IPO5: variants seen among roughly 807,000 people sequenced by gnomAD.
IPO5 encodes the protein importin 5, also known as importin-5.
Under a neutral mutation model 143.3 loss-of-function variants are expected in IPO5, and 18 were observed. The observed-to-expected ratio is 0.13, with a 90% CI of 0.09 to 0.19. IPO5 has a LOEUF of 0.19. IPO5 is among the 10% of genes least tolerant of loss of function. The pLI is 1.00. For missense variants in IPO5, 1,013 were observed against 1,336.9 expected, an observed-to-expected ratio of 0.76 and a Z score of 3.78; for synonymous variants, 477 against 465.7, an observed-to-expected ratio of 1.02 and a Z score of -0.31.
At chr13:97,980,228 TAG>T (rs913117707) in intron 4 of IPO5, among the ~76,000 whole-genome samples, 2 of 152,192 alleles carry the variant, frequency 1.3e-5, no homozygotes, top group Admixed American at 1.3e-4. Context: ...GTGTGGAACT[TAG>T]ACTGTTTAAC....
chr13:97,972,244 G>A (rs1343637780), intron 3 of IPO5, among the ~76,000 whole-genome samples: 1 of 152,118 alleles, frequency 6.6e-6, no homozygotes, highest in African/African-American at 2.4e-5. Context: ...AAACCAGAAA[G>A]GGCAGACAAA....
intron 25 of IPO5, among the ~76,000 whole-genome samples, chr13:98,018,101 A>G (rs868013681): frequency 1.3e-5 from 2 of 152,256 alleles, no homozygotes; most frequent in Middle Eastern, 3.2e-3. Flanking sequence ...ATTCGGGCAC[A>G]CATGACTTAG....
intron 5 of IPO5, among the ~76,000 whole-genome samples, chr13:97,983,398 T>G (rs902532927): frequency 1.3e-5 from 2 of 152,184 alleles, no homozygotes; most frequent in African/African-American, 4.8e-5. Flanking sequence ...TCATGGTTTT[T>G]AGCTAATTAC....
chr13:98,004,463 A>G (rs575612669), intron 16 of IPO5, among the ~76,000 whole-genome samples: 38 of 152,328 alleles, frequency 2.5e-4, no homozygotes, highest in African/African-American at 8.7e-4. Flanking sequence ...TAAATCAGTA[A>G]TGGATGGATC....
At chr13:98,000,301 A>G (rs1888658617) in intron 12 of IPO5, among the ~76,000 whole-genome samples, 1 of 152,024 alleles carries the variant, frequency 6.6e-6, no homozygotes, top group Non-Finnish European at 1.5e-5. Context: ...AAAAAAGAAA[A>G]ATAAGAATCA....
chr13:97,984,562 G>A (rs1887166941), intron 5 of IPO5, among the ~76,000 whole-genome samples: 1 of 151,672 alleles, frequency 6.6e-6, no homozygotes, highest in Non-Finnish European at 1.5e-5. Flanking sequence ...TCTAGAACAT[G>A]TTAAATATTT....
chr13:97,963,156 A>C (rs1365070241), intron 2 of IPO5: 1 of 152,220 alleles, frequency 6.6e-6, no homozygotes, highest in Non-Finnish European at 1.5e-5. Context: ...AATTGTATCC[A>C]CAGATACTTT....
At chr13:97,974,307 TTC>T (rs1269733457) in intron 3 of IPO5, among the ~76,000 whole-genome samples, 4 of 151,514 alleles carry the variant, frequency 2.6e-5, no homozygotes, top group African/African-American at 7.3e-5. Context: ...TTGTCTGAAA[TTC>T]TTTTTTTTTT....
chr13:97,980,071 T>C, intron 4 of IPO5: 1 of 386,196 alleles, frequency 2.6e-6, no homozygotes, highest in Non-Finnish European at 5.2e-6. Flanking sequence ...TCAAATCAAA[T>C]TGAAATTTTG....
At chr13:98,004,052 A>G (rs1889012847) in intron 16 of IPO5, among the ~76,000 whole-genome samples, 1 of 152,238 alleles carries the variant, frequency 6.6e-6, no homozygotes, top group South Asian at 2.1e-4. Context: ...AGATGCGAAA[A>G]GCAAGGATTT....
chr13:97,972,793 T>C (rs1000645553), intron 3 of IPO5, among the ~76,000 whole-genome samples: 1 of 152,330 alleles, frequency 6.6e-6, no homozygotes, highest in Non-Finnish European at 1.5e-5. Flanking sequence ...TATAAGTTAA[T>C]GCTAGAAGAA....
chr13:98,007,208 C>T (rs548012193), intron 17 of IPO5, among the ~76,000 whole-genome samples: 1 of 152,284 alleles, frequency 6.6e-6, no homozygotes, highest in Admixed American at 6.5e-5. Context: ...ATGCCTCCTC[C>T]TTTCCCCACC....
intron 5 of IPO5, among the ~76,000 whole-genome samples, chr13:97,983,277 AT>A (rs1887010254): frequency 1.3e-5 from 2 of 151,882 alleles, no homozygotes; most frequent in African/African-American, 4.9e-5. Flanking sequence ...TTTTGAAAAA[AT>A]ATTTTTTTCC....
chr13:97,957,980 A>C (rs555727447), intron 2 of IPO5, among the ~76,000 whole-genome samples: 29 of 152,218 alleles, frequency 1.9e-4, no homozygotes, highest in Admixed American at 8.5e-4. Context: ...GTGAGACAGA[A>C]TGAGACTCTG....
At chr13:97,979,928 C>T (rs1886700499) in intron 4 of IPO5, 1 of 456,586 alleles carries the variant, frequency 2.2e-6, no homozygotes, top group Admixed American at 2.3e-5. Flanking sequence ...CCCTCTTTTA[C>T]TTTTCCTCAT....
At chr13:97,965,442 G>A (rs1885250478) in intron 2 of IPO5, among the ~76,000 whole-genome samples, 2 of 152,112 alleles carry the variant, frequency 1.3e-5, no homozygotes, top group African/African-American at 2.4e-5. Flanking sequence ...TTAAGGGAGG[G>A]AGGTATCACC....
chr13:97,985,663 C>CTT (rs11366582), intron 6 of IPO5, 50 bp downstream of exon 6: 402 of 930,192 alleles, frequency 4.3e-4, no homozygotes, highest in South Asian at 6.5e-4. Flanking sequence ...TATATCCTTC[C>CTT]TTTTTTTTTT....
intron 11 of IPO5, among the ~76,000 whole-genome samples, chr13:97,996,704 G>A (rs150355793): frequency 4.0e-4 from 61 of 152,172 alleles, no homozygotes; most frequent in African/African-American, 1.4e-3. Context: ...CCAGGTTCAC[G>A]CCATTCTCCT....
At chr13:97,990,377 G>A (rs559433673) in intron 8 of IPO5, 56 bp from the exon 9 acceptor site, 4 of 1,347,218 alleles carry the variant, frequency 3.0e-6, no homozygotes, top group African/African-American at 1.5e-5. Context: ...AAGAAAACTT[G>A]AATTTGCGTT....
Sources: allele counts gnomAD v4.1 joint callset (sites outside exome capture counted in the v4.1 genomes callset), GRCh38; gene constraint gnomAD v4.1.1; transcripts MANE v1.5; gene names NCBI Gene and HGNC (gene_info 2026-07-23, HGNC 2026-07-21).